Variants in MIA2 observed in about 807,000 individuals in gnomAD.
MIA2 encodes melanoma inhibitory activity protein 2.
Under a neutral mutation model 167.8 loss-of-function variants are expected in MIA2, and 127 were observed. The observed-to-expected ratio is 0.76, with a 90% confidence interval of 0.66 to 0.88. MIA2 has a LOEUF of 0.88. Among genes scored for constraint, MIA2 ranks in the 40% least tolerant of loss-of-function variants. MIA2 has a pLI of 0.00. For synonymous variants in MIA2, 552 were observed against 541.9 expected (o/e 1.02, Z -0.26); for missense variants, 1,690 against 1,624.7 (o/e 1.04, Z -0.69).
intron 9 of MIA2, among the ~76,000 whole-genome samples, chr14:39,280,228 A>G (rs961436105): frequency 5.9e-5 from 9 of 152,146 alleles, no homozygotes; most frequent in African/African-American, 2.2e-4. Flanking sequence ...GTTTTTTGCC[A>G]ATAACATGCT....
intron 3 of MIA2, among the ~76,000 whole-genome samples, chr14:39,241,405 G>T (rs1005383156): frequency 5.9e-5 from 9 of 152,146 alleles, no homozygotes; most frequent in Non-Finnish European, 8.8e-5. Flanking sequence ...TATAATAATT[G>T]GTCCTGTCAG....
intron 6 of MIA2, among the ~76,000 whole-genome samples, chr14:39,254,539 T>G (rs996156756): frequency 1.3e-5 from 2 of 152,142 alleles, no homozygotes; most frequent in Non-Finnish European, 1.5e-5. Context: ...AAAATCCAAA[T>G]CAGGGTATAC....
At chr14:39,293,601 A>G (rs1209553581) in intron 11 of MIA2, among the ~76,000 whole-genome samples, 1 of 152,184 alleles carries the variant, frequency 6.6e-6, no homozygotes, top group Non-Finnish European at 1.5e-5. Flanking sequence ...TATATGCACT[A>G]TGGAAGTAGC....
intron 20 of MIA2, 148 bp from the exon 21 acceptor site, chr14:39,315,535 C>A: frequency 1.7e-6 from 1 of 593,138 alleles, no homozygotes; most frequent in Non-Finnish European, 3.0e-6. Context: ...ATTATGTATA[C>A]ATGAAAATTT....
At position 39,293,309 on chromosome 14, in the gene MIA2, TGAG is replaced by T. The variant is rs1191152772; in HGVS notation, c.2250_2252del (p.Glu750del). On this transcript the variant is annotated inframe_deletion, in exon 11 of 29. Coordinates refer to ENST00000640607, the MANE Select transcript of MIA2 (RefSeq NM_001329214.4). ...AGCTGAACAGGTCCAATTCTGAACT[TGAG>T]GATGAAATACTCTGTCTAGAAAAAG... 6.2e-7 allele frequency: 1 copy of T among 1,612,694 alleles called. No homozygotes were observed. The highest frequency in any genetic ancestry group is 8.5e-7 in the Non-Finnish European group (1 of 1,179,334).
chr14:39,285,747 G>C (rs1430040513), intron 9 of MIA2, among the ~76,000 whole-genome samples: 12 of 145,608 alleles, frequency 8.2e-5, no homozygotes, highest in South Asian at 4.4e-4. Context: ...CGGGCGGAGG[G>C]GCTCCTCACT....
At chr14:39,276,823 GT>G in intron 6 of MIA2, 110 bp from the exon 7 acceptor site, 1 of 1,136,908 alleles carries the variant, frequency 8.8e-7, no homozygotes, top group Non-Finnish European at 1.3e-6. Context: ...TCTGTTTGGT[GT>G]TAGTCTGGCA....
intron 23 of MIA2, among the ~76,000 whole-genome samples, chr14:39,358,437 T>C (rs1374877705): frequency 6.6e-6 from 1 of 152,236 alleles, no homozygotes; most frequent in African/African-American, 2.4e-5. Context: ...CATTGGTTAT[T>C]CTAGTTCGCC....
intron 23 of MIA2, among the ~76,000 whole-genome samples, chr14:39,365,811 A>G (rs999659575): frequency 2.0e-5 from 3 of 151,982 alleles, no homozygotes; most frequent in African/African-American, 4.8e-5. Context: ...TTTCTCCAGC[A>G]TCTTATAAAT....
intron 11 of MIA2, 48 bp from the exon 12 acceptor site, chr14:39,293,952 G>T: frequency 7.0e-7 from 1 of 1,436,218 alleles, no homozygotes; most frequent in Non-Finnish European, 9.7e-7. Flanking sequence ...ATGGCATTTT[G>T]GAAACTAGAG....
chr14:39,295,435 C>T (rs769772623), intron 13 of MIA2, among the ~76,000 whole-genome samples: 3 of 152,138 alleles, frequency 2.0e-5, no homozygotes, highest in Non-Finnish European at 2.9e-5. Context: ...GATACTCCCA[C>T]GTATATTTCT....
chr14:39,253,030 T>C (rs1157748517), intron 5 of MIA2, 41 bp from the exon 6 acceptor site: 2 of 1,561,640 alleles, frequency 1.3e-6, no homozygotes, highest in Non-Finnish European at 1.7e-6. Context: ...TCAGAAGTTA[T>C]ATAATATCAT....
intron 23 of MIA2, among the ~76,000 whole-genome samples, chr14:39,356,973 T>C (rs1458019868): frequency 6.6e-6 from 1 of 152,216 alleles, no homozygotes; most frequent in Non-Finnish European, 1.5e-5. Flanking sequence ...TACTTCCAAC[T>C]ATGTGGTCGG....
Position 39,347,817 on chromosome 14 carries a change from T to C in MIA2, c.3837+46T>C, listed in dbSNP as rs564513211. On this transcript the variant is annotated intron_variant, in intron 27 of 28. Coordinates refer to ENST00000640607, the MANE Select transcript of MIA2 (RefSeq NM_001329214.4). ...ATTGTATGCATGTATTCAGAAGCCT[T>C]CTTTTTTTTTTTTTTTTTTTTTTTA... 1.4e-4 allele frequency: 158 copies of C among 1,117,742 alleles called. No individual in the cohort carries two copies. In the Admixed American group the frequency reaches 1.6e-3, roughly 11 times the overall value. The allele number at this position is 1,117,742 out of a possible 1,614,324, so 69.2% of individuals were successfully genotyped here. A position where few individuals can be genotyped will look rare whatever the true frequency, so the allele number is the denominator to read the frequency against.
chr14:39,268,011 C>T (rs17693410), intron 6 of MIA2, among the ~76,000 whole-genome samples: 4 of 150,030 alleles, frequency 2.7e-5, no homozygotes, highest in Non-Finnish European at 5.9e-5. Context: ...GAATGAATGC[C>T]CTTTTGAGAT....
At chr14:39,354,173 T>G (rs531996179), downstream of MIA2, among the ~76,000 whole-genome samples, 1 of 152,352 alleles carries the variant, frequency 6.6e-6, no homozygotes, top group South Asian at 2.1e-4. Context: ...TAGTTTACAG[T>G]CCCACTAACA....
intron 13 of MIA2, among the ~76,000 whole-genome samples, chr14:39,296,858 C>G (rs1269332670): frequency 1.3e-5 from 2 of 151,752 alleles, no homozygotes; most frequent in Non-Finnish European, 1.5e-5. Context: ...TCACTGCAAC[C>G]TCCACCTCCC....
chr14:39,286,243 G>T, intron 9 of MIA2, among the ~76,000 whole-genome samples: 1 of 152,240 alleles, frequency 6.6e-6, no homozygotes, highest in East Asian at 1.9e-4. Context: ...AGGAGCTGGA[G>T]ACCAGCCCGG....
Position 39,253,091 on chromosome 14 carries a change from A to G in MIA2, c.1807A>G (p.Ile603Val). 3 of 1,595,880 alleles carry G rather than the reference A, an allele frequency of 1.9e-6. No homozygotes were observed. In the East Asian group the frequency reaches 6.7e-5, roughly 36 times the overall value. Reference protein sequence around the residue: ...SQKEDASEFQILKYLFQIDVY... With the variant: ...SQKEDASEFQVLKYLFQIDVY... ...AACAGAAGATGCTTCTGAGTTTCAGATTCTGAAATACTTATTCCAAATTGA... is the reference window on the plus strand; with the variant it reads ...AACAGAAGATGCTTCTGAGTTTCAGGTTCTGAAATACTTATTCCAAATTGA... Residue 603 changes from isoleucine to valine, a missense_variant, in exon 6 of 29, where the codon ATT becomes GTT. Ile to Val is a conservative substitution (Grantham distance 29). Transcript: ENST00000640607.
Sources: gnomAD v4.1 joint callset for allele counts (sites outside exome capture counted in the v4.1 genomes callset) on GRCh38, gnomAD v4.1.1 for gene constraint, MANE v1.5 for transcripts, NCBI Gene and HGNC (gene_info 2026-07-23, HGNC 2026-07-21) for gene names.